ZCCHC4: variants seen among roughly 807,000 people sequenced by gnomAD.
ZCCHC4 encodes the protein zinc finger CCHC-type containing 4, also known as rRNA N(6)-adenosine-methyltransferase ZCCHC4.
In ZCCHC4, 54 loss-of-function variants were observed where a neutral mutation model predicts 67.7. The ratio of observed to expected loss-of-function variants is 0.80; its 90% confidence interval spans 0.64 to 1.00. ZCCHC4 has a LOEUF of 1.00. ZCCHC4 is among the 50% of genes least tolerant of loss of function. The pLI, the probability that ZCCHC4 is intolerant of heterozygous loss-of-function variation, is 0.00. For synonymous variants in ZCCHC4, 198 were observed against 213.5 expected (o/e 0.93, Z 0.63); for missense variants, 609 against 617.0 (o/e 0.99, Z 0.14).
At chr4:25,347,214 C>T (rs1243083279) in intron 6 of ZCCHC4, among the ~76,000 whole-genome samples, 1 of 152,106 alleles carries the variant, frequency 6.6e-6, no homozygotes, top group East Asian at 1.9e-4. Flanking sequence ...GTTTTAATAC[C>T]ATACTATGGT....
At chr4:25,344,764 A>G (rs1719924638) in intron 5 of ZCCHC4, among the ~76,000 whole-genome samples, 1 of 151,664 alleles carries the variant, frequency 6.6e-6, no homozygotes, top group African/African-American at 2.4e-5. Flanking sequence ...AGCATATTTT[A>G]TTAAGCTAGC....
At chr4:25,331,563 T>A (rs1387936771) in intron 3 of ZCCHC4, among the ~76,000 whole-genome samples, 1 of 152,214 alleles carries the variant, frequency 6.6e-6, no homozygotes. Flanking sequence ...TGTCGTGGGC[T>A]CCCAAAGTGC....
At chr4:25,349,756 C>G (rs542676709) in intron 7 of ZCCHC4, 114 bp downstream of exon 7, 3 of 1,121,258 alleles carry the variant, frequency 2.7e-6, no homozygotes, top group South Asian at 1.6e-5. Flanking sequence ...CTTGAGTTCT[C>G]TTTTTAAAAA....
chr4:25,348,022 A>T (rs1258982715), intron 6 of ZCCHC4, among the ~76,000 whole-genome samples: 3 of 152,214 alleles, frequency 2.0e-5, no homozygotes, highest in African/African-American at 7.2e-5. Context: ...CTTTAAAAAT[A>T]TTTTTAAAGT....
At chr4:25,324,014 G>GTTATTTTTTTTTTT (rs1553895903) in intron 3 of ZCCHC4, among the ~76,000 whole-genome samples, 1 of 82,448 alleles carries the variant, frequency 1.2e-5, no homozygotes, top group Non-Finnish European at 2.1e-5. Context: ...TGTTTTTTGT[G>GTTATTTTTTTTTTT]TTTTTTTTTT....
intron 3 of ZCCHC4, among the ~76,000 whole-genome samples, chr4:25,316,294 A>G (rs1718260805): frequency 6.6e-6 from 1 of 152,222 alleles, no homozygotes; most frequent in Non-Finnish European, 1.5e-5. Context: ...ACATTGATAT[A>G]CAAATATTAG....
chr4:25,352,138 TC>T (rs1720329949), intron 8 of ZCCHC4: 1 of 985,890 alleles, frequency 1.0e-6, no homozygotes, highest in Non-Finnish European at 1.2e-6. Flanking sequence ...ACTGCATCAC[TC>T]TTGGGATGTC....
chr4:25,358,256 T>C (rs915236828), intron 8 of ZCCHC4, among the ~76,000 whole-genome samples: 5 of 152,206 alleles, frequency 3.3e-5, no homozygotes, highest in African/African-American at 1.2e-4. Flanking sequence ...TTTTTTACCT[T>C]ATGCCAGGCC....
At position 25,312,838 on chromosome 4, in the gene ZCCHC4, C is replaced by A. The variant is rs201849641; in HGVS notation, c.29C>A (p.Ala10Asp). Reference sequence around the variant, plus strand: ...GCGGCCTCCAGGAATGGGTTTGAAGCCGTGGAGGCAGAGGGCAGCGCAGGG... The same window carrying A: ...GCGGCCTCCAGGAATGGGTTTGAAGACGTGGAGGCAGAGGGCAGCGCAGGG... MAASRNGFE[A>D]VEAEGSAGCR... Residue 10 changes from alanine (A) to aspartate (D), a missense_variant, in exon 1 of 13, where the codon GCC becomes GAC. Ala to Asp is a moderately radical substitution (Grantham distance 126). Transcript: ENST00000302874. 4 of 1,613,218 alleles carry A rather than the reference C, an allele frequency of 2.5e-6. No individual in the cohort carries two copies. Among genetic ancestry groups the A allele is most frequent in the Non-Finnish European group, 3.4e-6 (4 of 1,180,022 alleles).
Position 25,365,101 on chromosome 4 carries a change from T to C in ZCCHC4, c.1341T>C (p.Ile447=), listed in dbSNP as rs1354622951. ...AGGGCCCCAAACATGGCTGCTTTAT[T>C]TGTGGTGAACTGGATCATAAACGCA... is the stretch of plus-strand genomic sequence containing the variant. ...SCEGPKHGCF[I]CGELDHKRST... Residue 447 remains isoleucine (I), a synonymous_variant, in exon 12 of 13, where the codon ATT becomes ATC. Coordinates refer to ENST00000302874, the MANE Select transcript of ZCCHC4 (RefSeq NM_024936.3). The C allele has an allele frequency of 6.2e-7, 1 of 1,614,204 alleles. No homozygotes were observed. The highest frequency in any genetic ancestry group is 1.1e-5 in the South Asian group (1 of 91,082).
intron 8 of ZCCHC4, among the ~76,000 whole-genome samples, chr4:25,354,453 G>A (rs1720433903): frequency 6.6e-6 from 1 of 152,072 alleles, no homozygotes; most frequent in Admixed American, 6.6e-5. Flanking sequence ...AAGCAAATTT[G>A]TTTTTCCTAA....
At chr4:25,337,051 A>G (rs114342382) in intron 5 of ZCCHC4, among the ~76,000 whole-genome samples, 426 of 152,348 alleles carry the variant, frequency 2.8e-3, no homozygotes, top group Middle Eastern at 0.01. Context: ...TTTCTCATAT[A>G]GTCAGTTTCT....
In ZCCHC4 at chr4:25,351,629, C is replaced by T. The variant is rs751303036; in HGVS notation, c.951C>T (p.Pro317=). 6.2e-7 allele frequency: 1 copy of T among 1,612,260 alleles called. No individual in the cohort carries two copies. Among genetic ancestry groups the T allele is most frequent in the African/African-American group, 1.3e-5 (1 of 74,856 alleles). ...HKELPIFWIF[P]YFFESRICQF... ...AACTACCCATTTTCTGGATTTTCCC[C>T]TATTTTTTTGAATCCCGAATTTGTC... is the stretch of plus-strand genomic sequence containing the variant. The change falls in exon 8 of 13, where the codon CCC becomes CCT. Residue 317 remains proline (P), a synonymous_variant. Transcript: ENST00000302874.
At chr4:25,367,159 TTTC>T (rs1324088202) in intron 12 of ZCCHC4, among the ~76,000 whole-genome samples, 6 of 152,200 alleles carry the variant, frequency 3.9e-5, no homozygotes, top group Non-Finnish European at 7.4e-5. Context: ...TTAATTTGTT[TTTC>T]CTTGGTGTTA....
chr4:25,316,143 G>A (rs2109045655), intron 3 of ZCCHC4, among the ~76,000 whole-genome samples: 1 of 152,334 alleles, frequency 6.6e-6, no homozygotes, highest in South Asian at 2.1e-4. Flanking sequence ...GCATGTGGTA[G>A]CATGTATCAG....
intron 7 of ZCCHC4, 89 bp from the exon 8 acceptor site, chr4:25,351,500 A>G: frequency 2.4e-6 from 2 of 817,554 alleles, no homozygotes; most frequent in South Asian, 1.8e-5. Flanking sequence ...GAATCATTGC[A>G]ATTTCTTATG....
At chr4:25,320,339 T>A (rs1225537630) in intron 3 of ZCCHC4, among the ~76,000 whole-genome samples, 1 of 152,248 alleles carries the variant, frequency 6.6e-6, no homozygotes, top group Non-Finnish European at 1.5e-5. Context: ...CAAATAGTTT[T>A]GTTTCGTTGA....
At chr4:25,335,404 C>T (rs530388887) in intron 5 of ZCCHC4, among the ~76,000 whole-genome samples, 32 of 152,146 alleles carry the variant, frequency 2.1e-4, no homozygotes, top group African/African-American at 7.0e-4. Flanking sequence ...GCTGAGTTCA[C>T]GTAACTGCAC....
intron 8 of ZCCHC4, among the ~76,000 whole-genome samples, chr4:25,355,640 G>A (rs1475674813): frequency 6.6e-6 from 1 of 152,130 alleles, no homozygotes; most frequent in African/African-American, 2.4e-5. Flanking sequence ...AGGACAGTAT[G>A]TTTTTCAAGA....
Sources: allele counts gnomAD v4.1 joint callset (sites outside exome capture counted in the v4.1 genomes callset), GRCh38; gene constraint gnomAD v4.1.1; transcripts MANE v1.5; gene names NCBI Gene and HGNC (gene_info 2026-07-23, HGNC 2026-07-21).